CSMD1: variants seen among roughly 807,000 people sequenced by gnomAD.
CSMD1 encodes the protein CUB and Sushi multiple domains 1, also known as CUB and sushi domain-containing protein 1.
In CSMD1, 213 loss-of-function variants were observed where a neutral mutation model predicts 417.5. The observed-to-expected ratio is 0.51, with a 90% confidence interval of 0.46 to 0.57. The LOEUF (loss-of-function observed/expected upper bound fraction) is 0.57, where lower values mean the gene tolerates loss of function less well. Among genes scored for constraint, CSMD1 ranks in the 20% least tolerant of loss-of-function variants. The probability of loss-of-function intolerance (pLI) is 0.00; values close to 1 mark genes in which losing one functional copy is unlikely to be tolerated. For synonymous variants in CSMD1, 2,862 were observed against 1,736.8 expected, an observed-to-expected ratio of 1.65 and a Z score of -16.11; for missense variants, 6,923 against 4,529.7, an observed-to-expected ratio of 1.53 and a Z score of -15.17.
chr8:4,008,485 C>G (rs1424676920), intron 4 of CSMD1, among the ~76,000 whole-genome samples: 1 of 150,606 alleles, frequency 6.6e-6, no homozygotes, highest in Non-Finnish European at 1.5e-5. Flanking sequence ...TCAGCTCTCC[C>G]TTGTTTACAC....
intron 3 of CSMD1, among the ~76,000 whole-genome samples, chr8:4,342,764 G>T (rs191958044): frequency 6.6e-6 from 1 of 151,902 alleles, no homozygotes; most frequent in Non-Finnish European, 1.5e-5. Context: ...GTGTTAAAAA[G>T]AAAAATAATA....
intron 3 of CSMD1, among the ~76,000 whole-genome samples, chr8:4,406,997 G>A (rs934529342): frequency 2.0e-5 from 3 of 152,102 alleles, no homozygotes; most frequent in African/African-American, 7.2e-5. Flanking sequence ...TTTAGGGTTG[G>A]GATTCCACAC....
At chr8:4,992,076 G>A (rs1327837708) in intron 1 of CSMD1, among the ~76,000 whole-genome samples, 1 of 152,160 alleles carries the variant, frequency 6.6e-6, no homozygotes, top group Non-Finnish European at 1.5e-5. Flanking sequence ...CTACAGCCAG[G>A]TTCTGGGACC....
intron 3 of CSMD1, among the ~76,000 whole-genome samples, chr8:4,069,473 T>C (rs1296410417): frequency 6.6e-6 from 1 of 152,180 alleles, no homozygotes; most frequent in Non-Finnish European, 1.5e-5. Flanking sequence ...CAGGATATTA[T>C]CTCTAGGTAA....
intron 26 of CSMD1, among the ~76,000 whole-genome samples, chr8:3,253,704 T>C (rs1263215878): frequency 6.6e-6 from 1 of 152,142 alleles, no homozygotes; most frequent in African/African-American, 2.4e-5. Flanking sequence ...TTTATGAATC[T>C]TTTTTTGTTT....
intron 5 of CSMD1, among the ~76,000 whole-genome samples, chr8:3,990,695 A>C (rs1001750536): frequency 2.0e-5 from 3 of 152,222 alleles, no homozygotes; most frequent in African/African-American, 4.8e-5. Flanking sequence ...AAGAAATCTC[A>C]AATTCAGGCT....
At chr8:4,428,237 G>C (rs989323019) in intron 2 of CSMD1, among the ~76,000 whole-genome samples, 2 of 152,140 alleles carry the variant, frequency 1.3e-5, no homozygotes, top group Non-Finnish European at 1.5e-5. Context: ...CTAAACACAA[G>C]ACAACTAGGA....
intron 19 of CSMD1, among the ~76,000 whole-genome samples, chr8:3,368,665 T>G (rs566563711): frequency 6.6e-6 from 1 of 152,220 alleles, no homozygotes; most frequent in East Asian, 1.9e-4. Flanking sequence ...AGATGACACG[T>G]TTAGTCACAG....
At chr8:4,159,566 G>A (rs947296290) in intron 3 of CSMD1, among the ~76,000 whole-genome samples, 2 of 152,140 alleles carry the variant, frequency 1.3e-5, no homozygotes, top group African/African-American at 2.4e-5. Flanking sequence ...GGTATTCACA[G>A]CAACCTGGAT....
intron 2 of CSMD1, among the ~76,000 whole-genome samples, chr8:4,548,476 AAAGC>A (rs1324487798): frequency 6.6e-6 from 1 of 152,204 alleles, no homozygotes; most frequent in Non-Finnish European, 1.5e-5. Context: ...GCATTCATAT[AAAGC>A]AAGACATAAG....
chr8:4,182,521 T>C (rs951174578), intron 3 of CSMD1, among the ~76,000 whole-genome samples: 2 of 152,184 alleles, frequency 1.3e-5, no homozygotes, highest in African/African-American at 2.4e-5. Flanking sequence ...GGACGGGCTA[T>C]ATATGCTCAA....
At chr8:3,761,909 G>C (rs769245956) in intron 5 of CSMD1, among the ~76,000 whole-genome samples, 1 of 151,964 alleles carries the variant, frequency 6.6e-6, no homozygotes, top group East Asian at 1.9e-4. Context: ...TTCTCCCTCT[G>C]GCTCTCTTTT....
intron 2 of CSMD1, among the ~76,000 whole-genome samples, chr8:4,504,902 T>G (rs762720921): frequency 3.9e-5 from 6 of 152,220 alleles, no homozygotes; most frequent in Non-Finnish European, 7.3e-5. Context: ...TTTGGGTTGG[T>G]TCCAAGTCTT....
intron 1 of CSMD1, among the ~76,000 whole-genome samples, chr8:4,965,618 T>C (rs987517666): frequency 6.6e-6 from 1 of 152,236 alleles, no homozygotes; most frequent in African/African-American, 2.4e-5. Flanking sequence ...TGAAGTTTAC[T>C]GAATTTCACT....
chr8:3,389,506 A>G (rs934505126), intron 17 of CSMD1, among the ~76,000 whole-genome samples: 4 of 152,044 alleles, frequency 2.6e-5, no homozygotes, highest in Middle Eastern at 3.4e-3. Context: ...GTTTCTGGGG[A>G]AAAAAAACAG....
intron 18 of CSMD1, among the ~76,000 whole-genome samples, chr8:3,371,971 G>A (rs1025304502): frequency 2.0e-5 from 3 of 152,154 alleles, no homozygotes; most frequent in African/African-American, 4.8e-5. Flanking sequence ...CAGCATCAGG[G>A]ATGATTAATA....
intron 3 of CSMD1, among the ~76,000 whole-genome samples, chr8:4,059,779 G>C (rs1373131847): frequency 6.6e-6 from 1 of 151,820 alleles, no homozygotes; most frequent in African/African-American, 2.4e-5. Context: ...AATAACAGGA[G>C]CTGCAATTGT....
intron 7 of CSMD1, among the ~76,000 whole-genome samples, chr8:3,657,862 T>G (rs1456389709): frequency 6.6e-6 from 1 of 152,148 alleles, no homozygotes; most frequent in Non-Finnish European, 1.5e-5. Flanking sequence ...AAAGAGAAAC[T>G]ATAAACAAAA....
intron 3 of CSMD1, among the ~76,000 whole-genome samples, chr8:4,242,536 G>C (rs906991702): frequency 1.9e-4 from 29 of 152,316 alleles, no homozygotes; most frequent in Admixed American, 1.8e-3. Flanking sequence ...TTCTTAACTA[G>C]TCTTTCCCCT....
Sources: gnomAD v4.1 joint callset for allele counts (sites outside exome capture counted in the v4.1 genomes callset) on GRCh38, gnomAD v4.1.1 for gene constraint, MANE v1.5 for transcripts, NCBI Gene and HGNC (gene_info 2026-07-23, HGNC 2026-07-21) for gene names.